EFNA3: variants seen among roughly 807,000 people sequenced by gnomAD.
The protein encoded by EFNA3 is ephrin A3, also known as ephrin-A3.
A neutral mutation model predicts 25.0 loss-of-function variants in EFNA3; 15 were observed. The ratio of observed to expected loss-of-function variants is 0.60; its 90% confidence interval spans 0.40 to 0.92. The LOEUF is 0.92. Among genes scored for constraint, EFNA3 ranks in the 40% least tolerant of loss-of-function variants. The pLI, the probability that EFNA3 is intolerant of heterozygous loss-of-function variation, is 0.00. For missense variants in EFNA3, 298 were observed against 323.8 expected, an observed-to-expected ratio of 0.92 and a Z score of 0.61; for synonymous variants, 153 against 145.6, an observed-to-expected ratio of 1.05 and a Z score of -0.37.
chr1:155,086,335 C>A, intron 4 of EFNA3, 78 bp from the exon 5 acceptor site: 1 of 1,499,416 alleles, frequency 6.7e-7, no homozygotes, highest in Non-Finnish European at 9.1e-7. Context: ...ACGTCCCTGG[C>A]TCCATTGCTG....
chr1:155,084,988 C>A, intron 1 of EFNA3, 103 bp from the exon 2 acceptor site: 1 of 1,346,756 alleles, frequency 7.4e-7, no homozygotes, highest in South Asian at 1.3e-5. Context: ...GAGGAAAAGT[C>A]GGAAGGCTAC....
Position 155,079,007 on chromosome 1 carries a change from C to A in EFNA3, c.66C>A (p.Ala22=). 7.0e-7 allele frequency: 1 copy of A among 1,434,222 alleles called. No homozygotes were observed. The highest frequency in any genetic ancestry group is 9.2e-7 in the Non-Finnish European group (1 of 1,090,260). The allele number at this position is 1,434,222 out of a possible 1,614,324, so 88.8% of individuals were successfully genotyped here. ...LVPVPLLPLL[A]QGPGGALGNR... is the part of the protein sequence containing the mutation. ...CCGTGCCGCTGCTGCCGCTGCTGGC[C>A]CAAGGGCCCGGAGGGGCGCTGGGAA... The change falls in exon 1 of 5, where the codon GCC becomes GCA. Residue 22 remains alanine, a synonymous_variant. Coordinates refer to ENST00000368408, the MANE Select transcript of EFNA3 (RefSeq NM_004952.5). This position sits in a 1 kb window ranked among gnomAD's most constrained non-coding sequence, Gnocchi z 7.7.
chr1:155,080,897 C>T lies in EFNA3; in HGVS notation c.128+1828C>T, dbSNP rs1054165372. On this transcript the variant is annotated intron_variant, in intron 1 of 4. Transcript: ENST00000368408. This position sits in a 1 kb window ranked among gnomAD's most constrained non-coding sequence, Gnocchi z 7.0. ...CCTTTGTTGCCGCTGCGCCCGGGCT[C>T]CCCGGCTCCCTCACTGCGGCAGCCG... Among the ~76,000 whole-genome samples the T allele has an allele frequency of 6.6e-6, 1 of 152,212 alleles. No homozygotes were observed. Among genetic ancestry groups the T allele is most frequent in the Admixed American group, 6.5e-5 (1 of 15,290 alleles).
rs1324281223 is a variant in EFNA3 at position 155,085,306 on chromosome 1, C to T, written c.344C>T (p.Ala115Val). Residue 115 changes from alanine to valine, a missense_variant, in exon 2 of 5, where the codon GCC (alanine) becomes GTC (valine). By Grantham distance (64) the Ala-to-Val change is moderately conservative. Transcript: ENST00000368408. This position sits in a 1 kb window ranked among gnomAD's most constrained non-coding sequence, Gnocchi z 4.4. ...FKRWECNRPHAPHSPIKFSEK... is the reference protein window; with the variant it reads ...FKRWECNRPHVPHSPIKFSEK... Reference sequence around the variant, plus strand: ...CGCTGGGAGTGCAACCGGCCGCACGCCCCGCACAGCCCCATCAAGTTCTCG... The same window carrying T: ...CGCTGGGAGTGCAACCGGCCGCACGTCCCGCACAGCCCCATCAAGTTCTCG... 3 of 1,612,840 alleles carry T rather than the reference C, an allele frequency of 1.9e-6. No homozygotes were observed. In the Admixed American group the frequency reaches 5.0e-5, roughly 27 times the overall value.
In EFNA3 at chr1:155,081,835, C is replaced by T. The variant is rs1663347567; in HGVS notation, c.128+2766C>T. Among the ~76,000 whole-genome samples, 2 of 152,212 alleles carry T rather than the reference C, an allele frequency of 1.3e-5. No individual in the cohort carries two copies. The highest frequency in any genetic ancestry group is 4.8e-5 in the African/African-American group (2 of 41,448). On this transcript the variant is annotated intron_variant, in intron 1 of 4. Transcript: ENST00000368408. The surrounding 1 kb of genome is among the most constrained non-coding windows in gnomAD (Gnocchi z 5.2). ...AGTGAATCCGGCCTCTGCCACCCTCCCCTTGTCGGTGTGTGTCTCCCCCTC... is the reference window on the plus strand; with the variant it reads ...AGTGAATCCGGCCTCTGCCACCCTCTCCTTGTCGGTGTGTGTCTCCCCCTC...
In EFNA3 at chr1:155,086,846, C is replaced by A. The variant is rs1663476786; in HGVS notation, c.*303C>A. ...GACTCCCTGGCCCCTGGTACCTTTC[C>A]CTGACTCCTGGTGCCCTCTCCCTTT... On this transcript the variant is annotated 3_prime_UTR_variant, in exon 5 of 5. Transcript: ENST00000368408. 1 of 325,072 alleles carries A rather than the reference C, an allele frequency of 3.1e-6. No homozygotes were observed. Among genetic ancestry groups the A allele is most frequent in the Non-Finnish European group, 5.8e-6 (1 of 172,848 alleles). The allele number at this position is 325,072 out of a possible 1,614,324, so 20.1% of individuals were successfully genotyped here.
Position 155,086,810 on chromosome 1 carries a change from G to A in EFNA3, c.*267G>A. On this transcript the variant is annotated 3_prime_UTR_variant, in exon 5 of 5. Transcript: ENST00000368408. ...GTACCAAACTTGGGGGCCAAAAAGG[G>A]CAGTGCTCAGGACTCCCTGGCCCCT... is the stretch of plus-strand genomic sequence containing the variant. The A allele has an allele frequency of 4.6e-6, 2 of 435,228 alleles. No individual in the cohort carries two copies. The highest frequency in any genetic ancestry group is 2.7e-5 in the South Asian group (1 of 36,458). The allele number at this position is 435,228 out of a possible 1,614,324, so 27.0% of individuals were successfully genotyped here.
chr1:155,085,856 C>A lies in EFNA3; in HGVS notation c.443-21C>A. ...AGGCACACATTGGGCGAAAGTGACT[C>A]AGGCCCGGTCTCCTCCCCAGCCACG... On this transcript the variant is annotated intron_variant, in intron 2 of 4. Transcript: ENST00000368408. This position sits in a 1 kb window ranked among gnomAD's most constrained non-coding sequence, Gnocchi z 4.4. 1 of 1,612,266 alleles carries A rather than the reference C, an allele frequency of 6.2e-7. No individual in the cohort carries two copies. Among genetic ancestry groups the A allele is most frequent in the Non-Finnish European group, 8.5e-7 (1 of 1,179,204 alleles).
Position 155,086,160 on chromosome 1 carries a change from C to G in EFNA3, c.541C>G (p.Leu181Val), listed in dbSNP as rs1265607546. The change falls in exon 4 of 5, where the codon CTC becomes GTC. Residue 181 changes from leucine to valine, a missense_variant. Physicochemically the swap from Leu to Val is conservative, Grantham distance 32. Transcript: ENST00000368408. ...CTCCGGGGAGAAGCCGGTCCCCACT[C>G]TCCCCCAGTTCACCATGGGCCCCAA... ...SHSGEKPVPT[L>V]PQFTMGPNVK... The G allele has an allele frequency of 6.2e-7, 1 of 1,613,294 alleles. No individual in the cohort carries two copies. Among genetic ancestry groups the G allele is most frequent in the South Asian group, 1.1e-5 (1 of 91,068 alleles).
In EFNA3 at chr1:155,079,130, C is replaced by T. The variant is rs1663292105; in HGVS notation, c.128+61C>T. On this transcript the variant is annotated intron_variant, in intron 1 of 4. Transcript: ENST00000368408. This position sits in a 1 kb window ranked among gnomAD's most constrained non-coding sequence, Gnocchi z 7.7. ...CTCAGTGAGAGGGGGAGCCGGTGGG[C>T]CCGAGAAGTCCTGGGGGATCCCGGG... The T allele has an allele frequency of 7.8e-7, 1 of 1,285,618 alleles. No individual in the cohort carries two copies. Among genetic ancestry groups the T allele is most frequent in the East Asian group, 3.2e-5 (1 of 31,580 alleles). 79.6% of individuals were successfully genotyped at this position (1,285,618 alleles called of 1,614,324 possible). A position where few individuals can be genotyped will look rare whatever the true frequency, so the allele number is the denominator to read the frequency against.
In EFNA3 at chr1:155,081,355, G is replaced by T. The variant is rs143166064; in HGVS notation, c.128+2286G>T. Among the ~76,000 whole-genome samples the T allele has an allele frequency of 1.9e-4, 29 of 152,376 alleles. No individual in the cohort carries two copies. The highest frequency in any genetic ancestry group is 6.7e-4 in the African/African-American group (28 of 41,590). On this transcript the variant is annotated intron_variant, in intron 1 of 4. Transcript: ENST00000368408. This position sits in a 1 kb window ranked among gnomAD's most constrained non-coding sequence, Gnocchi z 5.2. ...TCCCCTAAGCCGGGAATCGAACTTGGTGAGGGGGGTTGGGACGGCCGATGG... is the reference window on the plus strand; with the variant it reads ...TCCCCTAAGCCGGGAATCGAACTTGTTGAGGGGGGTTGGGACGGCCGATGG...
At chr1:155,084,708 T>C (rs980238082) in intron 1 of EFNA3, among the ~76,000 whole-genome samples, 3 of 152,210 alleles carry the variant, frequency 2.0e-5, no homozygotes, top group Non-Finnish European at 4.4e-5. Context: ...TTATGGGGGA[T>C]GGACGGAGGA....
rs1262853549 is a variant in EFNA3, at chr1:155,080,196, G to A, written c.128+1127G>A. Among the ~76,000 whole-genome samples the A allele has an allele frequency of 1.3e-5, 2 of 152,100 alleles. No homozygotes were observed. Among genetic ancestry groups the A allele is most frequent in the East Asian group, 1.9e-4 (1 of 5,182 alleles). On this transcript the variant is annotated intron_variant, in intron 1 of 4. Transcript: ENST00000368408. The surrounding 1 kb of genome is among the most constrained non-coding windows in gnomAD (Gnocchi z 7.0). Reference sequence around the variant, plus strand: ...ACTGCCTCTGGCTGCCCACCCCAGGGACCGACCGACCAGGGAGCAAATGGC... The same window carrying A: ...ACTGCCTCTGGCTGCCCACCCCAGGAACCGACCGACCAGGGAGCAAATGGC...
At chr1:155,082,048 G>C (rs1163239737) in intron 1 of EFNA3, among the ~76,000 whole-genome samples, 1 of 152,202 alleles carries the variant, frequency 6.6e-6, no homozygotes, top group African/African-American at 2.4e-5. Flanking sequence ...GTCCAGACTG[G>C]GACGGGCGGG....
chr1:155,082,804 CCT>C (rs1173500187), intron 1 of EFNA3, among the ~76,000 whole-genome samples: 5 of 152,084 alleles, frequency 3.3e-5, no homozygotes, highest in African/African-American at 2.4e-5. Flanking sequence ...CCCAGCGGCA[CCT>C]CTCTCTCCGC....
chr1:155,086,103 T>TCCCCCCCCC, intron 3 of EFNA3, 25 bp from the exon 4 acceptor site: 10 of 1,577,704 alleles, frequency 6.3e-6, no homozygotes, highest in Non-Finnish European at 8.7e-6. Flanking sequence ...CCCTCCTCTC[T>TCCCCCCCCC]CCCCACCCGC....
rs983278207 is a variant in EFNA3 at position 155,078,885 on chromosome 1, G to C, written c.-57G>C. On this transcript the variant is annotated 5_prime_UTR_variant, in exon 1 of 5. Transcript: ENST00000368408. ...CGGCGGCAGCAGGGAGCTGGGAAGCGGAGAAGCCGGGAGCGCGGGGCTCAG... is the reference window on the plus strand; with the variant it reads ...CGGCGGCAGCAGGGAGCTGGGAAGCCGAGAAGCCGGGAGCGCGGGGCTCAG... 34 of 1,335,412 alleles carry C rather than the reference G, an allele frequency of 2.5e-5. No individual in the cohort carries two copies. The highest frequency in any genetic ancestry group is 4.2e-5 in the South Asian group (2 of 48,104). The allele number at this position is 1,335,412 out of a possible 1,614,324, so 82.7% of individuals were successfully genotyped here. A position where few individuals can be genotyped will look rare whatever the true frequency, so the allele number is the denominator to read the frequency against.
Position 155,078,899 on chromosome 1 carries a change from C to A in EFNA3, c.-43C>A. Reference sequence around the variant, plus strand: ...AGCTGGGAAGCGGAGAAGCCGGGAGCGCGGGGCTCAGTCGGGGGGCGGCGG... The same window carrying A: ...AGCTGGGAAGCGGAGAAGCCGGGAGAGCGGGGCTCAGTCGGGGGGCGGCGG... On this transcript the variant is annotated 5_prime_UTR_variant, in exon 1 of 5. Coordinates refer to ENST00000368408, the MANE Select transcript of EFNA3 (RefSeq NM_004952.5). 1 of 1,347,758 alleles carries A rather than the reference C, an allele frequency of 7.4e-7. No individual in the cohort carries two copies. Among genetic ancestry groups the A allele is most frequent in the Non-Finnish European group, 9.5e-7 (1 of 1,051,806 alleles). The allele number at this position is 1,347,758 out of a possible 1,614,324, so 83.5% of individuals were successfully genotyped here. A position where few individuals can be genotyped will look rare whatever the true frequency, so the allele number is the denominator to read the frequency against.
At chr1:155,082,389 G>A (rs1663359159) in intron 1 of EFNA3, among the ~76,000 whole-genome samples, 1 of 152,234 alleles carries the variant, frequency 6.6e-6, no homozygotes, top group African/African-American at 2.4e-5. Context: ...GGTCTTGTTG[G>A]ACACCCTGTT....
Sources: allele counts gnomAD v4.1 joint callset (sites outside exome capture counted in the v4.1 genomes callset), GRCh38; gene constraint gnomAD v4.1.1; non-coding constraint Gnocchi (gnomAD v3.1); transcripts MANE v1.5; gene names NCBI Gene and HGNC (gene_info 2026-07-23, HGNC 2026-07-21).